Variants in PPP2R2B observed in about 807,000 individuals in gnomAD.
PPP2R2B encodes the protein serine/threonine-protein phosphatase 2A 55 kDa regulatory subunit B beta isoform.
In PPP2R2B, 5 loss-of-function variants were observed where a neutral mutation model predicts 46.0. The ratio of observed to expected loss-of-function variants is 0.11; its 90% CI spans 0.06 to 0.23. The LOEUF (loss-of-function observed/expected upper bound fraction) is 0.23, where lower values mean the gene tolerates loss of function less well. Ranked by LOEUF, PPP2R2B falls within the 10% of genes least tolerant of loss-of-function variation. The probability of loss-of-function intolerance (pLI) is 1.00; values close to 1 mark genes in which losing one functional copy is unlikely to be tolerated. For missense variants in PPP2R2B, 367 were observed against 575.0 expected, an observed-to-expected ratio of 0.64 and a Z score of 3.70; for synonymous variants, 215 against 206.7, an observed-to-expected ratio of 1.04 and a Z score of -0.34.
intron 2 of PPP2R2B, among the ~76,000 whole-genome samples, chr5:146,832,193 A>G (rs1042291433): frequency 5.9e-5 from 9 of 152,144 alleles, no homozygotes; most frequent in Non-Finnish European, 1.3e-4. Context: ...TTAACTTATT[A>G]TTGAAGAAAG....
At chr5:146,857,802 C>T (rs1760765115) in intron 2 of PPP2R2B, among the ~76,000 whole-genome samples, 2 of 152,116 alleles carry the variant, frequency 1.3e-5, no homozygotes, top group Admixed American at 6.5e-5. Flanking sequence ...ATTCTCCTGC[C>T]TCAGCCTCCC....
chr5:146,627,342 C>T (rs760214911), intron 7 of PPP2R2B, among the ~76,000 whole-genome samples: 3 of 152,200 alleles, frequency 2.0e-5, no homozygotes, highest in Non-Finnish European at 4.4e-5. Context: ...GCTGTCTCAG[C>T]TGATGTCTTT....
intron 6 of PPP2R2B, among the ~76,000 whole-genome samples, chr5:146,641,655 T>A (rs572576571): frequency 6.6e-6 from 1 of 152,188 alleles, no homozygotes; most frequent in East Asian, 1.9e-4. Flanking sequence ...CTTATGGGGA[T>A]GATGGGAGAG....
At chr5:146,631,845 T>C (rs114659777) in intron 7 of PPP2R2B, among the ~76,000 whole-genome samples, 3,560 of 152,274 alleles carry the variant, frequency 0.023, 52 homozygotes, top group Non-Finnish European at 0.035. Flanking sequence ...ATAAAAGTTA[T>C]GCTCATTGTG....
At chr5:146,744,686 C>T (rs537410463) in intron 2 of PPP2R2B, among the ~76,000 whole-genome samples, 101 of 152,344 alleles carry the variant, frequency 6.6e-4, no homozygotes, top group Non-Finnish European at 1.1e-3. Flanking sequence ...AGAAGGGTTC[C>T]TCCTCATTCC....
intron 2 of PPP2R2B, among the ~76,000 whole-genome samples, chr5:146,823,206 T>C (rs1758374458): frequency 6.6e-6 from 1 of 152,046 alleles, no homozygotes. Context: ...TTCTTCTTCT[T>C]CTTTTTTTTG....
rs556769378 is a variant in PPP2R2B at position 146,868,254 on chromosome 5, T to A, written c.70+9748A>T. ...CTGCCCAGACAGACTGGCTCCTCCATCTGCAGCAGCTTTTGGCAAAGAGAA... is the reference window on the plus strand; with the variant it reads ...CTGCCCAGACAGACTGGCTCCTCCAACTGCAGCAGCTTTTGGCAAAGAGAA... On this transcript the variant is annotated intron_variant, in intron 2 of 9. Coordinates refer to ENST00000394411, the MANE Select transcript of PPP2R2B (RefSeq NM_181675.4). Among the ~76,000 whole-genome samples the A allele has an allele frequency of 4.1e-4, 62 of 152,350 alleles. No homozygotes were observed. The South Asian group carries it at 0.013, about 32-fold the overall frequency.
At chr5:146,897,502 C>G (rs1213713042) in intron 1 of PPP2R2B, among the ~76,000 whole-genome samples, 1 of 152,176 alleles carries the variant, frequency 6.6e-6, no homozygotes, top group South Asian at 2.1e-4. Context: ...TGCCTACTCA[C>G]TGTATAATGA....
At chr5:146,862,059 C>A (rs1332158383) in intron 2 of PPP2R2B, among the ~76,000 whole-genome samples, 4 of 152,108 alleles carry the variant, frequency 2.6e-5, no homozygotes, top group Non-Finnish European at 5.9e-5. Context: ...AATAAATAAT[C>A]TATTATGATC....
intron 2 of PPP2R2B, among the ~76,000 whole-genome samples, chr5:146,815,997 G>A (rs77982971): frequency 4.3e-4 from 66 of 152,266 alleles, no homozygotes; most frequent in Non-Finnish European, 8.2e-4. Context: ...TCCAACCTAA[G>A]TCTGCTCCAG....
intron 7 of PPP2R2B, among the ~76,000 whole-genome samples, chr5:146,636,386 A>T (rs941766518): frequency 6.6e-6 from 1 of 152,242 alleles, no homozygotes; most frequent in African/African-American, 2.4e-5. Flanking sequence ...AATTAAAGTG[A>T]AAATAGATTT....
chr5:146,838,857 A>G (rs1759455146), intron 2 of PPP2R2B, among the ~76,000 whole-genome samples: 1 of 152,216 alleles, frequency 6.6e-6, no homozygotes, highest in Non-Finnish European at 1.5e-5. Context: ...CTGCCTTCCC[A>G]AGGCAAAGGG....
chr5:146,822,105 C>T (rs904578166), intron 2 of PPP2R2B, among the ~76,000 whole-genome samples: 6 of 152,122 alleles, frequency 3.9e-5, no homozygotes, highest in African/African-American at 1.4e-4. Flanking sequence ...TTGTACTATG[C>T]TGTGTAGTTT....
At chr5:146,988,520 G>A (rs1469149141) in intron 1 of PPP2R2B, among the ~76,000 whole-genome samples, 1 of 151,836 alleles carries the variant, frequency 6.6e-6, no homozygotes, top group Non-Finnish European at 1.5e-5. Flanking sequence ...AAAAACTAAT[G>A]GGTCAATGAA....
chr5:146,824,538 G>A (rs1387443224), intron 2 of PPP2R2B, among the ~76,000 whole-genome samples: 2 of 152,144 alleles, frequency 1.3e-5, no homozygotes, highest in East Asian at 1.9e-4. Context: ...ACATAGAATA[G>A]TTGAGTTTTG....
intron 1 of PPP2R2B, among the ~76,000 whole-genome samples, chr5:146,997,013 T>C (rs139390851): frequency 1.0e-3 from 153 of 152,280 alleles, no homozygotes; most frequent in African/African-American, 3.4e-3. Context: ...ACCTTCCATT[T>C]CCACCTTTTA....
At chr5:146,812,844 T>TATGTA (rs1271380416) in intron 2 of PPP2R2B, among the ~76,000 whole-genome samples, 3 of 107,916 alleles carry the variant, frequency 2.8e-5, no homozygotes, top group Non-Finnish European at 3.7e-5. Context: ...CACATTTCCA[T>TATGTA]TATAAAACCA....
intron 2 of PPP2R2B, among the ~76,000 whole-genome samples, chr5:146,813,777 T>A (rs1324300157): frequency 6.6e-6 from 1 of 152,122 alleles, no homozygotes; most frequent in African/African-American, 2.4e-5. Flanking sequence ...GAGACTTGCT[T>A]AAGCAGCAGG....
chr5:146,879,781 T>C (rs1762103459), upstream of PPP2R2B, among the ~76,000 whole-genome samples: 1 of 152,146 alleles, frequency 6.6e-6, no homozygotes, highest in Admixed American at 6.5e-5. Flanking sequence ...GAAAGCCAAT[T>C]TGGAAAAGAC....
Sources: gnomAD v4.1 joint callset for allele counts (sites outside exome capture counted in the v4.1 genomes callset) on GRCh38, gnomAD v4.1.1 for gene constraint, MANE v1.5 for transcripts, NCBI Gene and HGNC (gene_info 2026-07-23, HGNC 2026-07-21) for gene names.